Variants in ROBO1 observed in about 807,000 individuals in gnomAD.
The protein encoded by ROBO1 is roundabout guidance receptor 1.
Under a neutral mutation model 195.9 loss-of-function variants are expected in ROBO1, and 149 were observed. The ratio of observed to expected loss-of-function variants is 0.76; its 90% CI spans 0.67 to 0.87. The LOEUF is 0.87. Ranked by LOEUF, ROBO1 falls within the 40% of genes least tolerant of loss-of-function variation. The pLI is 0.00. For missense variants in ROBO1, 1,933 were observed against 2,068.3 expected, an observed-to-expected ratio of 0.93 and a Z score of 1.27; for synonymous variants, 816 against 733.2, an observed-to-expected ratio of 1.11 and a Z score of -1.82.
At chr3:78,671,292 T>A (rs2107720413) in intron 10 of ROBO1, among the ~76,000 whole-genome samples, 1 of 152,144 alleles carries the variant, frequency 6.6e-6, no homozygotes, top group African/African-American at 2.4e-5. Flanking sequence ...TATATGAAAC[T>A]CTATAGTTTT....
At chr3:78,922,246 T>C (rs994283096) in intron 4 of ROBO1, among the ~76,000 whole-genome samples, 9 of 152,200 alleles carry the variant, frequency 5.9e-5, no homozygotes, top group Non-Finnish European at 1.2e-4. Context: ...ATGGATTCCC[T>C]GACCCCCAAG....
chr3:79,604,026 T>C (rs1299778680), intron 1 of ROBO1, among the ~76,000 whole-genome samples: 2 of 151,880 alleles, frequency 1.3e-5, no homozygotes, highest in East Asian at 1.9e-4. Context: ...CACGCAGGAG[T>C]TGTTCTTTTA....
At chr3:78,606,005 T>C (rs1703439864) in intron 29 of ROBO1, among the ~76,000 whole-genome samples, 1 of 152,242 alleles carries the variant, frequency 6.6e-6, no homozygotes, top group East Asian at 1.9e-4. Flanking sequence ...GTAATGTTTC[T>C]GACACCTTCA....
At chr3:79,302,232 T>G (rs2032995353) in intron 2 of ROBO1, among the ~76,000 whole-genome samples, 1 of 152,220 alleles carries the variant, frequency 6.6e-6, no homozygotes, top group Admixed American at 6.5e-5. Flanking sequence ...ATTTCCACAT[T>G]TATACTGCTC....
intron 4 of ROBO1, among the ~76,000 whole-genome samples, chr3:78,868,890 A>T (rs2035356784): frequency 2.0e-5 from 3 of 152,202 alleles, no homozygotes; most frequent in Admixed American, 6.5e-5. Flanking sequence ...GTTATTTTTT[A>T]AAGAAGTGTA....
chr3:79,421,437 C>T (rs1220996945), intron 2 of ROBO1, among the ~76,000 whole-genome samples: 3 of 151,834 alleles, frequency 2.0e-5, no homozygotes, highest in South Asian at 2.1e-4. Context: ...GAAATCTGCC[C>T]GGAGACTGCC....
intron 2 of ROBO1, among the ~76,000 whole-genome samples, chr3:79,292,204 T>G (rs2032292716): frequency 6.6e-6 from 1 of 152,244 alleles, no homozygotes. Flanking sequence ...TAGGAAAGTC[T>G]GTGATTTTTG....
intron 1 of ROBO1, among the ~76,000 whole-genome samples, chr3:79,615,297 A>G (rs577336832): frequency 2.6e-5 from 4 of 152,292 alleles, no homozygotes; most frequent in Admixed American, 2.0e-4. Context: ...CTAATTACCA[A>G]TCAGATAATC....
chr3:79,734,244 G>T (rs1261254481), intron 1 of ROBO1, among the ~76,000 whole-genome samples: 1 of 152,052 alleles, frequency 6.6e-6, no homozygotes. Flanking sequence ...ACCATGCCCG[G>T]CACCCATTTC....
chr3:79,199,839 T>C (rs913564757), intron 2 of ROBO1, among the ~76,000 whole-genome samples: 5 of 151,794 alleles, frequency 3.3e-5, no homozygotes, highest in African/African-American at 1.2e-4. Flanking sequence ...ATATAAACTT[T>C]TTTATGGCGA....
At chr3:78,599,632 TG>T (rs11301287) in intron 30 of ROBO1, among the ~76,000 whole-genome samples, 37,839 of 152,034 alleles carry the variant, frequency 0.25, 4,831 homozygotes, top group Middle Eastern at 0.37. Context: ...TTCCTCCAAC[TG>T]GGGAGGTCAG....
intron 3 of ROBO1, among the ~76,000 whole-genome samples, chr3:78,954,791 C>G (rs1340352933): frequency 6.6e-6 from 1 of 151,940 alleles, no homozygotes; most frequent in East Asian, 1.9e-4. Flanking sequence ...CCTCAATATA[C>G]AGAACATGAG....
chr3:78,862,531 C>G (rs1487157711), intron 4 of ROBO1, among the ~76,000 whole-genome samples: 1 of 152,250 alleles, frequency 6.6e-6, no homozygotes, highest in Admixed American at 6.5e-5. Flanking sequence ...TTGTTTCAAA[C>G]TGCTAAATTT....
At chr3:78,938,008 T>TGTGTGA (rs2039909847) in intron 4 of ROBO1, 4 of 152,028 alleles carry the variant, frequency 2.6e-5, no homozygotes, top group African/African-American at 9.9e-5. Context: ...TGTGTGTGTG[T>TGTGTGA]GTGTGTGTGT....
chr3:79,484,999 G>C (rs185802901), intron 2 of ROBO1, among the ~76,000 whole-genome samples: 1 of 151,932 alleles, frequency 6.6e-6, no homozygotes, highest in Non-Finnish European at 1.5e-5. Flanking sequence ...TGATCTGCCT[G>C]CCTTGGCCTC....
chr3:79,592,156 G>A (rs1339784771), intron 1 of ROBO1, among the ~76,000 whole-genome samples: 3 of 151,760 alleles, frequency 2.0e-5, no homozygotes, highest in Non-Finnish European at 4.4e-5. Flanking sequence ...GCCATATATA[G>A]CTTATTTGTA....
intron 2 of ROBO1, among the ~76,000 whole-genome samples, chr3:79,458,685 C>T (rs1036835286): frequency 7.3e-5 from 11 of 151,714 alleles, no homozygotes; most frequent in African/African-American, 2.4e-4. Context: ...AATATTAAAA[C>T]GAAACACTAT....
chr3:79,285,796 T>A (rs1302998508), intron 2 of ROBO1, among the ~76,000 whole-genome samples: 1 of 152,330 alleles, frequency 6.6e-6, no homozygotes, highest in South Asian at 2.1e-4. Context: ...CTTAATATAT[T>A]GAATCTTTGA....
intron 1 of ROBO1, among the ~76,000 whole-genome samples, chr3:79,605,992 GTA>G (rs141950454): frequency 0.25 from 36,157 of 144,626 alleles, 5,897 homozygotes; most frequent in African/African-American, 0.48. Flanking sequence ...ATGTGTGTGT[GTA>G]TATATATATA....
Sources: gnomAD v4.1 joint callset for allele counts (sites outside exome capture counted in the v4.1 genomes callset) on GRCh38, gnomAD v4.1.1 for gene constraint, MANE v1.5 for transcripts, NCBI Gene and HGNC (gene_info 2026-07-23, HGNC 2026-07-21) for gene names.